The following MNDA variants were observed in gnomAD, a reference collection of about 807,000 sequenced individuals.
MNDA encodes myeloid cell nuclear differentiation antigen, also known as epididymis secretory sperm binding protein.
A neutral mutation model predicts 37.8 loss-of-function variants in MNDA; 43 were observed. That is an observed-to-expected ratio of 1.14 (90% confidence interval 0.89 to 1.47). MNDA has a LOEUF of 1.47. Ranked by LOEUF, MNDA falls within the 40% of genes most tolerant of loss-of-function variation. MNDA has a pLI of 0.00. For missense variants in MNDA, 536 were observed against 476.0 expected (o/e 1.13, Z -1.17); for synonymous variants, 181 against 169.0 (o/e 1.07, Z -0.55).
rs546757621 is a variant in MNDA at position 158,845,653 on chromosome 1, A to C, written c.637A>C (p.Thr213Pro). ...AAATGTTCCCCAAAACGACCCAGTG[A>C]CAGTGGTGGTACTGAAAGCAACAGC... ...RRNVPQNDPV[T>P]VVVLKATAPF... is the part of the protein sequence containing the mutation. Residue 213 changes from threonine to proline, a missense_variant, in exon 5 of 7, where the codon ACA (threonine) becomes CCA (proline). Coordinates refer to ENST00000368141, the MANE Select transcript of MNDA (RefSeq NM_002432.3). 21 of 1,614,088 alleles carry C rather than the reference A, an allele frequency of 1.3e-5. No homozygotes were observed. The Admixed American group carries it at 3.2e-4, about 24-fold the overall frequency.
rs750691770 is a variant in MNDA, at chr1:158,844,147, C to T, written c.570+25C>T. 2.1e-5 allele frequency: 31 copies of T among 1,511,126 alleles called. No homozygotes were observed. The South Asian group carries it at 3.9e-4, about 19-fold the overall frequency. The allele number at this position is 1,511,126 out of a possible 1,614,324, so 93.6% of individuals were successfully genotyped here. Reference sequence around the variant, plus strand: ...GGTACACTCTTCCTGGTCCTCTTCTCCATTTTTTTTTAACCCAGTCACAGT... The same window carrying T: ...GGTACACTCTTCCTGGTCCTCTTCTTCATTTTTTTTTAACCCAGTCACAGT... On this transcript the variant is annotated intron_variant, in intron 4 of 6. Coordinates refer to ENST00000368141, the MANE Select transcript of MNDA (RefSeq NM_002432.3).
chr1:158,847,630 C>G, intron 5 of MNDA, 98 bp from the exon 6 acceptor site: 1 of 1,138,964 alleles, frequency 8.8e-7, no homozygotes. Context: ...CCTGTCATTC[C>G]TGTCGTGCAT....
chr1:158,842,282 C>A lies in MNDA; in HGVS notation c.129C>A (p.Tyr43Ter). 2 of 1,614,080 alleles carry A rather than the reference C, an allele frequency of 1.2e-6. No homozygotes were observed. Among genetic ancestry groups the A allele is most frequent in the Non-Finnish European group, 1.7e-6 (2 of 1,179,986 alleles). ...TAACTACAAAAATGCAAGAGGAATACAACAGAATTAAGATTACAGATTTGA... is the reference window on the plus strand; with the variant it reads ...TAACTACAAAAATGCAAGAGGAATAAAACAGAATTAAGATTACAGATTTGA... ...LGLTTKMQEE[Y>*]NRIKITDLME... The change falls in exon 2 of 7, where the codon TAC (tyrosine) becomes TAA (stop). Residue 43 changes from tyrosine to a stop codon, truncating the protein, a stop_gained. Coordinates refer to ENST00000368141, the MANE Select transcript of MNDA (RefSeq NM_002432.3). LOFTEE classifies it high-confidence loss of function.
Position 158,844,037 on chromosome 1 carries a change from C to A in MNDA, c.485C>A (p.Ser162Ter). 2 of 1,613,876 alleles carry A rather than the reference C, an allele frequency of 1.2e-6. No homozygotes were observed. The highest frequency in any genetic ancestry group is 1.7e-5 in the Admixed American group (1 of 59,954). Residue 162 changes from serine (S) to a stop codon, truncating the protein, a stop_gained, in exon 4 of 7, where the codon TCA becomes TAA. Transcript: ENST00000368141. LOFTEE classifies it high-confidence loss of function. ...GAGCAGAGTAAGCCCCCAGGTCCCT[C>A]AGGAGCCAGCACATCTGCAGCTGTG... Reference protein sequence around the residue: ...SQEQSKPPGPSGASTSAAVDH... With the variant: ...SQEQSKPPGP
At chr1:158,843,188 T>C in intron 2 of MNDA, 91 bp from the exon 3 acceptor site, 1 of 1,465,584 alleles carries the variant, frequency 6.8e-7, no homozygotes, top group Non-Finnish European at 9.1e-7. Context: ...ATGCAGGAGC[T>C]GACAGCAGGT....
Position 158,847,814 on chromosome 1 carries a change from T to C in MNDA, c.1074T>C (p.Asn358=), listed in dbSNP as rs1390505767. The change falls in exon 6 of 7, where the codon AAT becomes AAC. Residue 358 remains asparagine, a synonymous_variant. Coordinates refer to ENST00000368141, the MANE Select transcript of MNDA (RefSeq NM_002432.3). Reference sequence around the variant, plus strand: ...TAGTGGGGAGTGGAAAATGGCACAATATCAAGTGTGAGAAAGGAGATAAAC... The same window carrying C: ...TAGTGGGGAGTGGAAAATGGCACAACATCAAGTGTGAGAAAGGAGATAAAC... ...MDVVGSGKWH[N]IKCEKGDKLR... The C allele has an allele frequency of 6.2e-7, 1 of 1,614,038 alleles. No homozygotes were observed. The highest frequency in any genetic ancestry group is 1.7e-5 in the Admixed American group (1 of 60,014).
At chr1:158,838,081 T>C (rs1658958465) in intron 1 of MNDA, among the ~76,000 whole-genome samples, 2 of 151,974 alleles carry the variant, frequency 1.3e-5, no homozygotes, top group African/African-American at 4.8e-5. Flanking sequence ...TTGTTTTGCT[T>C]TCACATTTTA....
At chr1:158,848,357 A>C (rs1212371975) in intron 6 of MNDA, among the ~76,000 whole-genome samples, 1 of 151,984 alleles carries the variant, frequency 6.6e-6, no homozygotes, top group African/African-American at 2.4e-5. Context: ...CTGGCACATC[A>C]TAATAAACTG....
chr1:158,839,926 T>C lies in MNDA; in HGVS notation c.-20-2208T>C, dbSNP rs1658996495. Among the ~76,000 whole-genome samples the C allele has an allele frequency of 2.0e-5, 3 of 152,334 alleles. No homozygotes were observed. The South Asian group carries it at 6.2e-4, about 32-fold the overall frequency. On this transcript the variant is annotated intron_variant, in intron 1 of 6. Coordinates refer to ENST00000368141, the MANE Select transcript of MNDA (RefSeq NM_002432.3). The stretch of plus-strand genomic sequence containing the variant: ...ACTCTCAGTGAGAAGAGAACAATTT[T>C]TTAAACCATAACATTCAAATAACAT...
At chr1:158,842,045 G>T in intron 1 of MNDA, 89 bp from the exon 2 acceptor site, 2 of 1,155,060 alleles carry the variant, frequency 1.7e-6, no homozygotes, top group Non-Finnish European at 2.5e-6. Flanking sequence ...CAACATTTTG[G>T]CCTGGGACAC....
intron 4 of MNDA, among the ~76,000 whole-genome samples, 198 bp from the exon 5 acceptor site, chr1:158,845,389 T>C (rs1659112040): frequency 2.0e-5 from 3 of 151,988 alleles, no homozygotes; most frequent in South Asian, 2.1e-4. Flanking sequence ...AGACGCCCGC[T>C]ACAACGCCCG....
Position 158,842,307 on chromosome 1 carries a change from A to G in MNDA, c.154A>G (p.Met52Val). The change falls in exon 2 of 7, where the codon ATG becomes GTG. Residue 52 changes from methionine (M) to valine (V), a missense_variant. Transcript: ENST00000368141. The part of the protein sequence containing the change: ...EYNRIKITDL[M>V]EKKFQGVACL... ...CAACAGAATTAAGATTACAGATTTG[A>G]TGGAAAAAAAGTTCCAAGGCGTTGC... The G allele has an allele frequency of 6.2e-7, 1 of 1,614,180 alleles. No individual in the cohort carries two copies. The highest frequency in any genetic ancestry group is 8.5e-7 in the Non-Finnish European group (1 of 1,180,008).
At chr1:158,846,745 A>T (rs1054403963) in intron 5 of MNDA, among the ~76,000 whole-genome samples, 18 of 152,190 alleles carry the variant, frequency 1.2e-4, no homozygotes, top group South Asian at 2.1e-4. Context: ...ATTTCTATGA[A>T]CTCAACTAAC....
Position 158,844,096 on chromosome 1 carries a change from A to G in MNDA, c.544A>G (p.Thr182Ala), listed in dbSNP as rs759844357. 5 of 1,586,784 alleles carry G rather than the reference A, an allele frequency of 3.2e-6. No individual in the cohort carries two copies. In the East Asian group the frequency reaches 9.0e-5, roughly 29 times the overall value. Reference sequence around the variant, plus strand: ...CCCACTACCCCAGACCTCATCATCAACTCCATCCAACACTTCGTTTACTCC... The same window carrying G: ...CCCACTACCCCAGACCTCATCATCAGCTCCATCCAACACTTCGTTTACTCC... ...HPPLPQTSSS[T>A]PSNTSFTPNQ... is the part of the protein sequence containing the mutation. Residue 182 changes from threonine (T) to alanine (A), a missense_variant, in exon 4 of 7, where the codon ACT becomes GCT. Coordinates refer to ENST00000368141, the MANE Select transcript of MNDA (RefSeq NM_002432.3).
At chr1:158,842,442 A>G (rs1399564790) in intron 2 of MNDA, 24 bp downstream of exon 2, 1 of 1,591,350 alleles carries the variant, frequency 6.3e-7, no homozygotes, top group Admixed American at 1.8e-5. Context: ...CCTTGCACAT[A>G]GCTACTCTGC....
intron 5 of MNDA, 82 bp downstream of exon 5, chr1:158,846,085 A>C: frequency 7.9e-7 from 1 of 1,272,722 alleles, no homozygotes; most frequent in Non-Finnish European, 1.1e-6. Context: ...CTGTCTGAAT[A>C]TTGGAACACA....
Position 158,847,744 on chromosome 1 carries a change from A to ATTATCCT in MNDA, c.1004_1005insTTATCCT (p.Lys335AsnfsTer8). On this transcript the variant is annotated frameshift_variant, in exon 6 of 7. Transcript: ENST00000368141. LOFTEE classifies it high-confidence loss of function. ...CTTTTGCAGAAAAGCGTACACAAGA[A>ATTATCCT]GAACACAATTTATGAAATACAGGAT... 6.2e-7 allele frequency: 1 copy of ATTATCCT among 1,612,740 alleles called. No individual in the cohort carries two copies. The highest frequency in any genetic ancestry group is 8.5e-7 in the Non-Finnish European group (1 of 1,179,314).
chr1:158,847,660 G>T (rs1659161450), intron 5 of MNDA, 68 bp from the exon 6 acceptor site: 3 of 1,458,830 alleles, frequency 2.1e-6, no homozygotes, highest in South Asian at 1.3e-5. Flanking sequence ...ACTTTGTCAT[G>T]AGACTCTTTC....
chr1:158,839,450 A>T (rs2102047698), intron 1 of MNDA, among the ~76,000 whole-genome samples: 1 of 152,268 alleles, frequency 6.6e-6, no homozygotes, highest in East Asian at 1.9e-4. Flanking sequence ...CCCAGGGAGT[A>T]GCAGATCCCA....
Sources: gnomAD v4.1 joint callset for allele counts (sites outside exome capture counted in the v4.1 genomes callset) on GRCh38, gnomAD v4.1.1 for gene constraint, MANE v1.5 for transcripts, NCBI Gene and HGNC (gene_info 2026-07-23, HGNC 2026-07-21) for gene names.